Variants in ESR2 observed in about 807,000 individuals in gnomAD.
ESR2 encodes estrogen receptor beta.
ESR2 carries 36 observed loss-of-function variants against 49.6 expected under a neutral mutation model. The observed-to-expected ratio is 0.73, with a 90% CI of 0.56 to 0.96. The LOEUF is 0.96. ESR2 is among the 40% of genes least tolerant of loss of function. ESR2 has a pLI of 0.00. For missense variants in ESR2, 714 were observed against 693.0 expected (o/e 1.03, Z -0.34); for synonymous variants, 320 against 266.1 (o/e 1.20, Z -1.97).
chr14:64,336,329 T>A lies in ESR2; in HGVS notation c.-91+1569A>T, dbSNP rs543828382. Reference sequence around the variant, plus strand: ...TCAAAATGGTTGTAAAAATTTACACTTCTACAAAAAGGAGTAAACACTGTT... The same window carrying A: ...TCAAAATGGTTGTAAAAATTTACACATCTACAAAAAGGAGTAAACACTGTT... On this transcript the variant is annotated intron_variant, in intron 1 of 8. Coordinates refer to the ESR2 transcript ENST00000358599. 3 of 152,328 alleles carry A rather than the reference T, an allele frequency of 2.0e-5. No individual in the cohort carries two copies. In the East Asian group the frequency reaches 5.8e-4, roughly 29 times the overall value. 9.4% of individuals were successfully genotyped at this position (152,328 alleles called of 1,614,324 possible). A position where few individuals can be genotyped will look rare whatever the true frequency, so the allele number is the denominator to read the frequency against.
At chr14:64,242,931 G>A (rs981459796) in intron 7 of ESR2, among the ~76,000 whole-genome samples, 11 of 152,198 alleles carry the variant, frequency 7.2e-5, no homozygotes, top group African/African-American at 2.2e-4. Context: ...CTCATGTGGC[G>A]GCAGACAAGA....
Position 64,235,150 on chromosome 14 carries a change from C to A in ESR2, c.1226G>T (p.Ser409Ile). Reference protein sequence around the residue: ...CVKAMILLNSSMYPLVTATQD... With the variant: ...CVKAMILLNSIMYPLVTATQD... The stretch of plus-strand genomic sequence containing the variant: ...GGTCGCTGTGACCAGAGGGTACATA[C>A]CTGGACAAAGAATAAAAGCCAGAAG... The change falls in exon 8 of 9, where the codon AGT becomes ATT. Residue 409 changes from serine (S) to isoleucine (I), a missense_variant and splice_region_variant. Physicochemically the swap from Ser to Ile is moderately radical, Grantham distance 142 (BLOSUM62 -2). Coordinates refer to ENST00000341099, the MANE Select transcript of ESR2 (RefSeq NM_001437.3). 6.2e-7 allele frequency: 1 copy of A among 1,610,670 alleles called. No individual in the cohort carries two copies. The highest frequency in any genetic ancestry group is 8.5e-7 in the Non-Finnish European group (1 of 1,178,008).
At chr14:64,270,102 C>T (rs1387716207) in intron 3 of ESR2, among the ~76,000 whole-genome samples, 1 of 152,118 alleles carries the variant, frequency 6.6e-6, no homozygotes. Context: ...AACAATATGG[C>T]CTCAACATCT....
At chr14:64,240,602 A>T (rs933061363) in intron 7 of ESR2, among the ~76,000 whole-genome samples, 14 of 152,214 alleles carry the variant, frequency 9.2e-5, no homozygotes, top group Non-Finnish European at 5.9e-5. Flanking sequence ...GTACTTTGAC[A>T]TACATATACA....
intron 1 of ESR2, among the ~76,000 whole-genome samples, chr14:64,285,855 G>GAA (rs1178178602): frequency 7.1e-6 from 1 of 140,450 alleles, no homozygotes; most frequent in Non-Finnish European, 1.6e-5. Context: ...AAAAGAAAAA[G>GAA]AAAAAAAAAA....
rs1348641430 is a variant in ESR2, at chr14:64,229,135, C to T, written c.*4002G>A. On this transcript the variant is annotated 3_prime_UTR_variant, in exon 9 of 9. Coordinates refer to ENST00000341099, the MANE Select transcript of ESR2 (RefSeq NM_001437.3). Reference sequence around the variant, plus strand: ...GGGACAATGGGAATAACAGATTATGCATCTTATTTTTCCATCTGTCATTGC... The same window carrying T: ...GGGACAATGGGAATAACAGATTATGTATCTTATTTTTCCATCTGTCATTGC... 6.6e-6 allele frequency among the ~76,000 whole-genome samples: 1 copy of T among 152,098 alleles called. No homozygotes were observed. The highest frequency in any genetic ancestry group is 2.4e-5 in the African/African-American group (1 of 41,414).
At chr14:64,233,563 G>C (rs2098729405) in intron 8 of ESR2, 3 of 514,402 alleles carry the variant, frequency 5.8e-6, no homozygotes, top group African/African-American at 5.7e-5. Flanking sequence ...CTGACACATA[G>C]GACAATCAAT....
rs2098725269 is a variant in ESR2 at position 64,229,487 on chromosome 14, G to C, written c.*3650C>G. On this transcript the variant is annotated 3_prime_UTR_variant, in exon 9 of 9. Coordinates refer to ENST00000341099, the MANE Select transcript of ESR2 (RefSeq NM_001437.3). ...GGTTTACAAACTTACTGTGTCTGTAGGGGTGTTCTGGACATTGTGGTGGGA... is the reference window on the plus strand; with the variant it reads ...GGTTTACAAACTTACTGTGTCTGTACGGGTGTTCTGGACATTGTGGTGGGA... Among the ~76,000 whole-genome samples, 1 of 152,228 alleles carries C rather than the reference G, an allele frequency of 6.6e-6. No homozygotes were observed. Among genetic ancestry groups the C allele is most frequent in the African/African-American group, 2.4e-5 (1 of 41,460 alleles).
intron 4 of ESR2, among the ~76,000 whole-genome samples, chr14:64,262,278 C>A (rs1374912962): frequency 6.6e-6 from 1 of 152,018 alleles, no homozygotes; most frequent in Non-Finnish European, 1.5e-5. Context: ...CCACATCTGA[C>A]TAATTTTTGT....
intron 1 of ESR2, among the ~76,000 whole-genome samples, chr14:64,306,906 G>A (rs895585136): frequency 3.3e-5 from 5 of 152,094 alleles, no homozygotes; most frequent in Non-Finnish European, 1.5e-5. Context: ...TCTGGGCTTG[G>A]AGTTTTCCTT....
Position 64,282,923 on chromosome 14 carries a change from G to C in ESR2, c.63C>G (p.Ser21=), listed in dbSNP as rs1596454951. The C allele has an allele frequency of 6.2e-7, 1 of 1,614,046 alleles. No individual in the cohort carries two copies. Among genetic ancestry groups the C allele is most frequent in the East Asian group, 2.2e-5 (1 of 44,876 alleles). ...NSPSSYNCSQ[S]ILPLEHGSIY... Reference sequence around the variant, plus strand: ...TGGAGCCGTGCTCCAGGGGTAAGATGGATTGACTGCAGTTGTAGGAGGAAG... The same window carrying C: ...TGGAGCCGTGCTCCAGGGGTAAGATCGATTGACTGCAGTTGTAGGAGGAAG... Residue 21 remains serine (S), a synonymous_variant, in exon 2 of 9, where the codon TCC becomes TCG. Transcript: ENST00000341099.
intron 1 of ESR2, among the ~76,000 whole-genome samples, chr14:64,312,329 T>G (rs2077196239): frequency 6.6e-6 from 1 of 151,826 alleles, no homozygotes; most frequent in Non-Finnish European, 1.5e-5. Flanking sequence ...GAAAACAAAA[T>G]GAAAAGGAAG....
In ESR2 at chr14:64,256,572, T is replaced by C. The variant is rs535111374; in HGVS notation, c.1091+654A>G. Among the ~76,000 whole-genome samples, 31 of 151,994 alleles carry C rather than the reference T, an allele frequency of 2.0e-4. No individual in the cohort carries two copies. The East Asian group carries it at 5.6e-3, about 28-fold the overall frequency. On this transcript the variant is annotated intron_variant, in intron 6 of 8. Transcript: ENST00000341099. Reference sequence around the variant, plus strand: ...GGTGAAACCACTTCTCTACTAAAAATAGAAAAATTAGCCTGGCATGGTGGT... The same window carrying C: ...GGTGAAACCACTTCTCTACTAAAAACAGAAAAATTAGCCTGGCATGGTGGT...
chr14:64,268,956 T>C, intron 3 of ESR2, 45 bp from the exon 4 acceptor site: 1 of 1,104,206 alleles, frequency 9.1e-7, no homozygotes. Context: ...CTATGATCTC[T>C]TAGTTAAATC....
chr14:64,296,629 ACT>A (rs1211296887), upstream of ESR2, among the ~76,000 whole-genome samples: 3 of 151,982 alleles, frequency 2.0e-5, no homozygotes, highest in Non-Finnish European at 4.4e-5. Flanking sequence ...AAATGGCTTG[ACT>A]CTCTGCTCTA....
In ESR2 at chr14:64,261,236, TTTC is replaced by T. The variant is rs1344068055; in HGVS notation, c.653-491_653-489del. Among the ~76,000 whole-genome samples the T allele has an allele frequency of 5.5e-5, 4 of 72,112 alleles. 1 individual carries two copies. The highest frequency in any genetic ancestry group is 1.2e-4 in the African/African-American group (2 of 17,386). 47.3% of individuals were successfully genotyped at this position (72,112 alleles called of 152,430 possible). ...CTTTTTAATGCTTTTATTTTTCTTT[TTTC>T]TTTTTTTTTTTTTTTTGAGACGGAG... On this transcript the variant is annotated intron_variant, in intron 4 of 8. Transcript: ENST00000341099.
intron 1 of ESR2, among the ~76,000 whole-genome samples, chr14:64,312,349 C>T (rs1234731487): frequency 1.3e-5 from 2 of 152,034 alleles, no homozygotes; most frequent in African/African-American, 4.8e-5. Flanking sequence ...GACTTAAGCC[C>T]TAATATAGCA....
chr14:64,336,576 C>G (rs1392513025), intron 1 of ESR2: 1 of 151,974 alleles, frequency 6.6e-6, no homozygotes, highest in Non-Finnish European at 1.5e-5. Flanking sequence ...TTCAATCTTC[C>G]CTCCTGTTTC....
intron 1 of ESR2, among the ~76,000 whole-genome samples, chr14:64,284,181 G>A (rs1043590504): frequency 6.6e-6 from 1 of 151,964 alleles, no homozygotes; most frequent in Non-Finnish European, 1.5e-5. Flanking sequence ...CACCTGCCTC[G>A]GTCTCCCAAA....
Sources: gnomAD v4.1 joint callset for allele counts (sites outside exome capture counted in the v4.1 genomes callset) on GRCh38, gnomAD v4.1.1 for gene constraint, MANE v1.5 for transcripts, NCBI Gene and HGNC (gene_info 2026-07-23, HGNC 2026-07-21) for gene names.